CNTLN: variants seen among roughly 807,000 people sequenced by gnomAD.
CNTLN encodes centlein.
Under a neutral mutation model 180.0 loss-of-function variants are expected in CNTLN, and 212 were observed. The observed-to-expected ratio is 1.18, with a 90% CI of 1.05 to 1.32. The LOEUF (loss-of-function observed/expected upper bound fraction) is 1.32. Among genes scored for constraint, CNTLN ranks in the 40% most tolerant of loss-of-function variants. The pLI is 0.00. For synonymous variants in CNTLN, 722 were observed against 563.1 expected (o/e 1.28, Z -3.99); for missense variants, 2,095 against 1,610.9 (o/e 1.30, Z -5.14).
intron 2 of CNTLN, among the ~76,000 whole-genome samples, chr9:17,174,022 C>A (rs751533686): frequency 6.6e-6 from 1 of 152,192 alleles, no homozygotes; most frequent in South Asian, 2.1e-4. Flanking sequence ...TAAATCCTGG[C>A]AGCTGCTTAT....
intron 5 of CNTLN, among the ~76,000 whole-genome samples, chr9:17,265,397 G>C (rs1827342674): frequency 6.6e-6 from 1 of 152,182 alleles, no homozygotes; most frequent in Admixed American, 6.5e-5. Flanking sequence ...AAGCCCACTT[G>C]ATCATGGTGG....
intron 5 of CNTLN, among the ~76,000 whole-genome samples, chr9:17,258,656 G>A (rs1423316092): frequency 6.7e-6 from 1 of 149,194 alleles, no homozygotes; most frequent in Non-Finnish European, 1.5e-5. Flanking sequence ...TCATTGAGCA[G>A]TGGTTTGTAG....
At chr9:17,262,118 C>G (rs1225141201) in intron 5 of CNTLN, among the ~76,000 whole-genome samples, 1 of 151,678 alleles carries the variant, frequency 6.6e-6, no homozygotes, top group African/African-American at 2.4e-5. Flanking sequence ...CACTTTTACA[C>G]TGATGGTGGG....
At chr9:17,265,908 A>G (rs1438191892) in intron 5 of CNTLN, among the ~76,000 whole-genome samples, 3 of 151,118 alleles carry the variant, frequency 2.0e-5, no homozygotes, top group Non-Finnish European at 2.9e-5. Context: ...TTTTTATTGC[A>G]TCTATTTGAT....
chr9:17,480,861 AATTTTAGAT>A (rs1490665314), intron 23 of CNTLN, among the ~76,000 whole-genome samples: 1 of 152,238 alleles, frequency 6.6e-6, no homozygotes, highest in Non-Finnish European at 1.5e-5. Flanking sequence ...TGTAACTTTG[AATTTTAGAT>A]ATTAGAAAAA....
chr9:17,212,570 A>C (rs771685355), intron 2 of CNTLN, among the ~76,000 whole-genome samples: 3 of 152,212 alleles, frequency 2.0e-5, no homozygotes, highest in Non-Finnish European at 4.4e-5. Context: ...CTGGCCTCAT[A>C]GAATGAGTTA....
intron 19 of CNTLN, among the ~76,000 whole-genome samples, chr9:17,460,299 T>C (rs967115234): frequency 6.6e-6 from 1 of 151,728 alleles, no homozygotes; most frequent in Non-Finnish European, 1.5e-5. Flanking sequence ...TTTAAAAAAA[T>C]ATTCAATAAA....
At chr9:17,375,994 AG>A (rs1459350941) in intron 13 of CNTLN, among the ~76,000 whole-genome samples, 1 of 152,234 alleles carries the variant, frequency 6.6e-6, no homozygotes, top group Non-Finnish European at 1.5e-5. Context: ...CTTAATAATT[AG>A]TTTTCATATA....
At chr9:17,293,549 C>T (rs908215011) in intron 6 of CNTLN, among the ~76,000 whole-genome samples, 4 of 152,188 alleles carry the variant, frequency 2.6e-5, no homozygotes, top group African/African-American at 9.7e-5. Context: ...GGCAGTCTGG[C>T]CATGATCTGC....
intron 2 of CNTLN, 67 bp downstream of exon 2, chr9:17,143,443 G>A: frequency 1.8e-6 from 2 of 1,102,870 alleles, no homozygotes; most frequent in Non-Finnish European, 2.7e-6. Context: ...CATTATTAAA[G>A]TTAGTACTTA....
intron 14 of CNTLN, among the ~76,000 whole-genome samples, chr9:17,391,717 A>G (rs1243532912): frequency 6.6e-6 from 1 of 152,222 alleles, no homozygotes; most frequent in Non-Finnish European, 1.5e-5. Context: ...ACTATTCAGC[A>G]CAAGTAATTA....
intron 12 of CNTLN, among the ~76,000 whole-genome samples, chr9:17,364,088 T>A (rs1348142384): frequency 6.6e-6 from 1 of 152,156 alleles, no homozygotes; most frequent in Non-Finnish European, 1.5e-5. Context: ...TTTTTAAGTG[T>A]GAACAGAGTT....
chr9:17,246,588 T>G (rs541879334), intron 5 of CNTLN, among the ~76,000 whole-genome samples: 1 of 152,268 alleles, frequency 6.6e-6, no homozygotes, highest in African/African-American at 2.4e-5. Context: ...GACTCCACAA[T>G]CAGCAATTCG....
chr9:17,410,490 C>CT (rs1827764049), intron 16 of CNTLN, among the ~76,000 whole-genome samples: 1 of 152,006 alleles, frequency 6.6e-6, no homozygotes, highest in Non-Finnish European at 1.5e-5. Flanking sequence ...CATGGTGTGC[C>CT]TTTTTTCTTT....
chr9:17,511,206 G>A, the CNTLN span, among the ~76,000 whole-genome samples: 41 of 152,230 alleles, frequency 2.7e-4, no homozygotes, highest in Middle Eastern at 3.4e-3. Flanking sequence ...GGGATGATAA[G>A]GACAGGTTGA....
chr9:17,243,526 C>T (rs1221512835), intron 5 of CNTLN, among the ~76,000 whole-genome samples: 1 of 151,818 alleles, frequency 6.6e-6, no homozygotes, highest in Admixed American at 6.6e-5. Context: ...TTATCATTTG[C>T]TTCTGGGAAT....
chr9:17,455,647 A>T (rs1306845304), intron 18 of CNTLN, among the ~76,000 whole-genome samples: 17 of 152,304 alleles, frequency 1.1e-4, no homozygotes, highest in Admixed American at 1.0e-3. Flanking sequence ...TGCCCTTTAA[A>T]GATGAGACAG....
intron 13 of CNTLN, among the ~76,000 whole-genome samples, chr9:17,383,701 G>A (rs955884990): frequency 1.9e-4 from 29 of 151,570 alleles, no homozygotes; most frequent in Admixed American, 7.2e-4. Flanking sequence ...GCAGTGGCGT[G>A]ATCTCGGCCC....
intron 12 of CNTLN, among the ~76,000 whole-genome samples, chr9:17,355,231 C>A (rs1048692679): frequency 6.6e-6 from 1 of 152,190 alleles, no homozygotes; most frequent in African/African-American, 2.4e-5. Context: ...ATGTTGCCAA[C>A]ACAGGCTGGT....
Sources: gnomAD v4.1 joint callset for allele counts (sites outside exome capture counted in the v4.1 genomes callset) on GRCh38, gnomAD v4.1.1 for gene constraint, MANE v1.5 for transcripts, NCBI Gene and HGNC (gene_info 2026-07-23, HGNC 2026-07-21) for gene names.